The following KCNA4 variants were observed in gnomAD, a reference collection of about 807,000 sequenced individuals.
The protein encoded by KCNA4 is potassium voltage-gated channel subfamily A member 4.
KCNA4 carries 5 observed loss-of-function variants against 37.2 expected under a neutral mutation model. The observed-to-expected ratio is 0.13, with a 90% CI of 0.07 to 0.28. The LOEUF (loss-of-function observed/expected upper bound fraction) is 0.28. Ranked by LOEUF, KCNA4 falls within the 10% of genes least tolerant of loss-of-function variation. The pLI, the probability that KCNA4 is intolerant of heterozygous loss-of-function variation, is 1.00. For missense variants in KCNA4, 634 were observed against 817.4 expected (o/e 0.78, Z 2.74); for synonymous variants, 350 against 311.8 (o/e 1.12, Z -1.29).
rs899454996 is a variant in KCNA4, at chr11:30,011,299, G to A, written c.1380C>T (p.His460=). ...GGCCCAGGATCTGCAGGCCTTTGGA[G>A]TGCCTGGAGAGTTTGAAGATCCGGA... The part of the protein sequence containing the change: ...RVFRIFKLSR[H]SKGLQILGHT... Residue 460 remains histidine, a synonymous_variant, in exon 2 of 2, where the codon CAC becomes CAT. Transcript: ENST00000328224. The surrounding 1 kb of genome is among the most constrained non-coding windows in gnomAD (Gnocchi z 5.6). 4 of 1,614,180 alleles carry A rather than the reference G, an allele frequency of 2.5e-6. No homozygotes were observed. Among genetic ancestry groups the A allele is most frequent in the Non-Finnish European group, 2.5e-6 (3 of 1,180,042 alleles).
chr11:30,012,289 C>CTCCTCCTCATCT lies in KCNA4; in HGVS notation c.378_389dup (p.Asp127_Glu130dup). The CTCCTCCTCATCT allele has an allele frequency of 6.2e-7, 1 of 1,614,044 alleles. No individual in the cohort carries two copies. Among genetic ancestry groups the CTCCTCCTCATCT allele is most frequent in the Non-Finnish European group, 8.5e-7 (1 of 1,179,994 alleles). The stretch of plus-strand genomic sequence containing the variant: ...TTCCCTCCTCTTCCTCCTCTTCCTC[C>CTCCTCCTCATCT]TCCTCCTCATCTTCCTCCTCCTCAC... On this transcript the variant is annotated inframe_insertion, in exon 2 of 2. Coordinates refer to ENST00000328224, the MANE Select transcript of KCNA4 (RefSeq NM_002233.4).
In KCNA4 at chr11:30,012,880, C is replaced by T. The variant is rs914500487; in HGVS notation, c.-202G>A. ...ATGCTCTCTCTTCTCAGGGATTCAA[C>T]ATTGCTCTCCAGAGCTTGGCTGGTC... is the stretch of plus-strand genomic sequence containing the variant. On this transcript the variant is annotated 5_prime_UTR_variant, in exon 2 of 2. It removes an upstream start codon present in the reference 5' UTR. Transcript: ENST00000328224. 3 of 661,140 alleles carry T rather than the reference C, an allele frequency of 4.5e-6. No homozygotes were observed. The highest frequency in any genetic ancestry group is 3.7e-5 in the African/African-American group (2 of 53,730). The allele number at this position is 661,140 out of a possible 1,614,324, so 41.0% of individuals were successfully genotyped here. A position where few individuals can be genotyped will look rare whatever the true frequency, so the allele number is the denominator to read the frequency against.
In KCNA4 at chr11:30,010,582, G is replaced by T; in HGVS notation, c.*135C>A. On this transcript the variant is annotated 3_prime_UTR_variant, in exon 2 of 2. Transcript: ENST00000328224. ...GTAATACAAGTTTAGTAACAATTAT[G>T]CCATGTATAACCATTAAATAGTGTA... 2 of 1,251,874 alleles carry T rather than the reference G, an allele frequency of 1.6e-6. No homozygotes were observed. The highest frequency in any genetic ancestry group is 2.1e-6 in the Non-Finnish European group (2 of 947,898). 77.5% of individuals were successfully genotyped at this position (1,251,874 alleles called of 1,614,324 possible).
rs1175276309 is a variant in KCNA4 at position 30,011,549 on chromosome 11, A to G, written c.1130T>C (p.Val377Ala). ...CTCAAAGGAAAACCATACAATACAG[A>G]CTGTTTCCACGATGAAGAAGGGGTC... ...FNDPFFIVET[V>A]CIVWFSFEFV... Residue 377 changes from valine to alanine, a missense_variant, in exon 2 of 2, where the codon GTC becomes GCC. Around this residue, in one of 8 missense-constraint regions of KCNA4, gnomAD observed 252 missense variants for 344.2 expected, o/e 0.73. Transcript: ENST00000328224. The surrounding 1 kb of genome is among the most constrained non-coding windows in gnomAD (Gnocchi z 5.6). The G allele has an allele frequency of 6.2e-7, 1 of 1,614,106 alleles. No individual in the cohort carries two copies. The highest frequency in any genetic ancestry group is 1.3e-5 in the African/African-American group (1 of 75,002).
In KCNA4 at chr11:30,012,705, T is replaced by C; in HGVS notation, c.-27A>G. The C allele has an allele frequency of 6.6e-7, 1 of 1,515,762 alleles. No homozygotes were observed. Among genetic ancestry groups the C allele is most frequent in the South Asian group, 1.3e-5 (1 of 75,628 alleles). 93.9% of individuals were successfully genotyped at this position (1,515,762 alleles called of 1,614,324 possible). ...GTGGTGGTTTTCGGAAATGGCTGGT[T>C]CCAGTTGTAGAAGAAGAAGAAAGAA... On this transcript the variant is annotated 5_prime_UTR_variant, in exon 2 of 2. Coordinates refer to ENST00000328224, the MANE Select transcript of KCNA4 (RefSeq NM_002233.4).
chr11:30,011,869 C>T lies in KCNA4; in HGVS notation c.810G>A (p.Arg270=), dbSNP rs1257778289. Reference sequence around the variant, plus strand: ...CTTCTCTCACAAAGCCCTCGTCCTCCCGAAACTTCAACAGGGCCTCCTCCC... The same window carrying T: ...CTTCTCTCACAAAGCCCTCGTCCTCTCGAAACTTCAACAGGGCCTCCTCCC... ...QLGEEALLKF[R]EDEGFVREEE... Residue 270 remains arginine (R), a synonymous_variant, in exon 2 of 2, where the codon CGG becomes CGA. Coordinates refer to ENST00000328224, the MANE Select transcript of KCNA4 (RefSeq NM_002233.4). The surrounding 1 kb of genome is among the most constrained non-coding windows in gnomAD (Gnocchi z 5.6). 2.5e-6 allele frequency: 4 copies of T among 1,613,940 alleles called. No homozygotes were observed. Among genetic ancestry groups the T allele is most frequent in the East Asian group, 4.5e-5 (2 of 44,884 alleles).
chr11:30,014,256 A>G (rs1309376185), intron 1 of KCNA4, among the ~76,000 whole-genome samples: 1 of 152,170 alleles, frequency 6.6e-6, no homozygotes, highest in Non-Finnish European at 1.5e-5. Context: ...AGACATCCTG[A>G]GACTCACCAA....
chr11:30,016,985 T>G lies in KCNA4; in HGVS notation c.-1196A>C, dbSNP rs1236509084. ...ACATCCATCCCTCTCTCGCTCTCGCTGGCTGCGGGAGCAGCACACGCCTCC... is the reference window on the plus strand; with the variant it reads ...ACATCCATCCCTCTCTCGCTCTCGCGGGCTGCGGGAGCAGCACACGCCTCC... On this transcript the variant is annotated 5_prime_UTR_variant, in exon 1 of 2. Transcript: ENST00000328224. The G allele has an allele frequency of 2.5e-6, 1 of 396,012 alleles. No individual in the cohort carries two copies. Among genetic ancestry groups the G allele is most frequent in the Non-Finnish European group, 4.5e-6 (1 of 224,482 alleles). 24.5% of individuals were successfully genotyped at this position (396,012 alleles called of 1,614,324 possible). A position where few individuals can be genotyped will look rare whatever the true frequency, so the allele number is the denominator to read the frequency against.
chr11:30,012,391 G>A lies in KCNA4; in HGVS notation c.288C>T (p.His96=). The change falls in exon 2 of 2, where the codon CAC becomes CAT. Residue 96 remains histidine (H), a synonymous_variant. Transcript: ENST00000328224. The stretch of plus-strand genomic sequence containing the variant: ...AATGAGGGAAGCTGCTCTGCCGGTA[G>A]TGGGCTTTCTTCTTCTCAGACCGCT... ...RRQRSEKKKA[H]YRQSSFPHCS... 6.2e-7 allele frequency: 1 copy of A among 1,614,120 alleles called. No homozygotes were observed. The highest frequency in any genetic ancestry group is 1.1e-5 in the South Asian group (1 of 91,088).
chr11:30,014,057 G>C (rs1174824418), intron 1 of KCNA4, among the ~76,000 whole-genome samples: 1 of 152,152 alleles, frequency 6.6e-6, no homozygotes, highest in African/African-American at 2.4e-5. Flanking sequence ...TGTTTGTAAG[G>C]ATTAAATGAG....
Position 30,011,409 on chromosome 11 carries a change from C to T in KCNA4, c.1270G>A (p.Ala424Thr). The change falls in exon 2 of 2, where the codon GCC becomes ACC. Residue 424 changes from alanine (A) to threonine (T), a missense_variant. Around this residue, in one of 8 missense-constraint regions of KCNA4, gnomAD observed 252 missense variants for 344.2 expected, o/e 0.73. Coordinates refer to ENST00000328224, the MANE Select transcript of KCNA4 (RefSeq NM_002233.4). This position sits in a 1 kb window ranked among gnomAD's most constrained non-coding sequence, Gnocchi z 5.6. ...PYFITLGTDL[A>T]QQQGGGNGQQ... ...CCATTGCCACCCCCCTGTTGCTGGG[C>T]CAGGTCAGTGCCCAGTGTGATGAAG... 6.2e-7 allele frequency: 1 copy of T among 1,614,064 alleles called. No individual in the cohort carries two copies. The highest frequency in any genetic ancestry group is 8.5e-7 in the Non-Finnish European group (1 of 1,180,018).
At position 30,012,366 on chromosome 11, in the gene KCNA4, A is replaced by G. The variant is rs1850313005; in HGVS notation, c.313T>C (p.Cys105Arg). Residue 105 changes from cysteine (C) to arginine (R), a missense_variant, in exon 2 of 2, where the codon TGC becomes CGC. Cys to Arg is a radical substitution (Grantham distance 180, BLOSUM62 -3). Coordinates refer to ENST00000328224, the MANE Select transcript of KCNA4 (RefSeq NM_002233.4). Reference sequence around the variant, plus strand: ...GAGCCACTGGGCATCAGGTCAGAGCAATGAGGGAAGCTGCTCTGCCGGTAG... The same window carrying G: ...GAGCCACTGGGCATCAGGTCAGAGCGATGAGGGAAGCTGCTCTGCCGGTAG... ...AHYRQSSFPHCSDLMPSGSEE... is the reference protein window; with the variant it reads ...AHYRQSSFPHRSDLMPSGSEE... The G allele has an allele frequency of 6.2e-7, 1 of 1,613,946 alleles. No individual in the cohort carries two copies. The highest frequency in any genetic ancestry group is 1.3e-5 in the African/African-American group (1 of 74,894).
chr11:30,009,974 G>T lies in KCNA4; in HGVS notation c.*743C>A. On this transcript the variant is annotated 3_prime_UTR_variant, in exon 2 of 2. Coordinates refer to ENST00000328224, the MANE Select transcript of KCNA4 (RefSeq NM_002233.4). ...TCTCCAGCATATAAAGTAGTGCAAA[G>T]AAAAAAAAATCCAGTCCTGTTACCT... 6.6e-6 allele frequency: 1 copy of T among 150,628 alleles called. No homozygotes were observed. Among genetic ancestry groups the T allele is most frequent in the Non-Finnish European group, 1.5e-5 (1 of 67,540 alleles). 9.3% of individuals were successfully genotyped at this position (150,628 alleles called of 1,614,324 possible).
rs1464128792 is a variant in KCNA4 at position 30,011,545 on chromosome 11, A to G, written c.1134T>C (p.Cys378=). The G allele has an allele frequency of 6.2e-7, 1 of 1,614,084 alleles. No individual in the cohort carries two copies. The highest frequency in any genetic ancestry group is 8.5e-7 in the Non-Finnish European group (1 of 1,180,050). The change falls in exon 2 of 2, where the codon TGT becomes TGC. Residue 378 remains cysteine, a synonymous_variant. Transcript: ENST00000328224. The surrounding 1 kb of genome is among the most constrained non-coding windows in gnomAD (Gnocchi z 5.6). ...NDPFFIVETV[C]IVWFSFEFVV... ...CAAACTCAAAGGAAAACCATACAATACAGACTGTTTCCACGATGAAGAAGG... is the reference window on the plus strand; with the variant it reads ...CAAACTCAAAGGAAAACCATACAATGCAGACTGTTTCCACGATGAAGAAGG...
rs754154324 is a variant in KCNA4, at chr11:30,011,290, G to T, written c.1389C>A (p.Gly463=). The change falls in exon 2 of 2, where the codon GGC becomes GGA. Residue 463 remains glycine (G), a synonymous_variant. Coordinates refer to ENST00000328224, the MANE Select transcript of KCNA4 (RefSeq NM_002233.4). This position sits in a 1 kb window ranked among gnomAD's most constrained non-coding sequence, Gnocchi z 5.6. ...RIFKLSRHSK[G]LQILGHTLRA... is the part of the protein sequence containing the mutation. ...TGAGGGTGTGGCCCAGGATCTGCAGGCCTTTGGAGTGCCTGGAGAGTTTGA... is the reference window on the plus strand; with the variant it reads ...TGAGGGTGTGGCCCAGGATCTGCAGTCCTTTGGAGTGCCTGGAGAGTTTGA... The T allele has an allele frequency of 7.1e-5, 114 of 1,614,124 alleles. No individual in the cohort carries two copies. In the South Asian group the frequency reaches 1.2e-3, roughly 18 times the overall value.
In KCNA4 at chr11:30,010,741, T is replaced by G. The variant is rs780357318; in HGVS notation, c.1938A>C (p.Ala646=). 2 of 1,610,172 alleles carry G rather than the reference T, an allele frequency of 1.2e-6. No homozygotes were observed. Among genetic ancestry groups the G allele is most frequent in the South Asian group, 2.2e-5 (2 of 90,162 alleles). Residue 646 remains alanine (A), a synonymous_variant, in exon 2 of 2, where the codon GCA becomes GCC. Coordinates refer to ENST00000328224, the MANE Select transcript of KCNA4 (RefSeq NM_002233.4). ...TTCACACATCAGTCTCCACAGCCTT[T>G]GCATTAGAACAGTTGTTTTTATCTG... ...SETDKNNCSN[A]KAVETDV
chr11:30,010,692 G>T lies in KCNA4; in HGVS notation c.*25C>A, dbSNP rs767355108. ...AAATATATTTGGAGATGCTGAGGGGGGAGCAGTGGCAGGTGGAAAAAGATT... is the reference window on the plus strand; with the variant it reads ...AAATATATTTGGAGATGCTGAGGGGTGAGCAGTGGCAGGTGGAAAAAGATT... On this transcript the variant is annotated 3_prime_UTR_variant, in exon 2 of 2. Coordinates refer to ENST00000328224, the MANE Select transcript of KCNA4 (RefSeq NM_002233.4). 3 of 1,568,624 alleles carry T rather than the reference G, an allele frequency of 1.9e-6. No homozygotes were observed. The highest frequency in any genetic ancestry group is 2.5e-5 in the South Asian group (2 of 80,896).
At position 30,011,421 on chromosome 11, in the gene KCNA4, C is replaced by G; in HGVS notation, c.1258G>C (p.Gly420Arg). 1 of 1,614,010 alleles carries G rather than the reference C, an allele frequency of 6.2e-7. No individual in the cohort carries two copies. Among genetic ancestry groups the G allele is most frequent in the Non-Finnish European group, 8.5e-7 (1 of 1,180,012 alleles). The change falls in exon 2 of 2, where the codon GGC (glycine) becomes CGC (arginine). Residue 420 changes from glycine (G) to arginine (R), a missense_variant. Physicochemically the swap from Gly to Arg is moderately radical, Grantham distance 125. Coordinates refer to ENST00000328224, the MANE Select transcript of KCNA4 (RefSeq NM_002233.4). The surrounding 1 kb of genome is among the most constrained non-coding windows in gnomAD (Gnocchi z 5.6). Reference sequence around the variant, plus strand: ...CCCTGTTGCTGGGCCAGGTCAGTGCCCAGTGTGATGAAGTAAGGCAAAATG... The same window carrying G: ...CCCTGTTGCTGGGCCAGGTCAGTGCGCAGTGTGATGAAGTAAGGCAAAATG... Reference protein sequence around the residue: ...VSILPYFITLGTDLAQQQGGG... With the variant: ...VSILPYFITLRTDLAQQQGGG...
intron 1 of KCNA4, among the ~76,000 whole-genome samples, chr11:30,014,092 C>T (rs1850330719): frequency 6.6e-6 from 1 of 152,188 alleles, no homozygotes; most frequent in African/African-American, 2.4e-5. Flanking sequence ...TAGAATATCT[C>T]AGTGCCTTTT....
Sources: gnomAD v4.1 joint callset for allele counts (sites outside exome capture counted in the v4.1 genomes callset) on GRCh38, gnomAD v4.1.1 for gene constraint, gnomAD v4.1.1 regional missense constraint, Gnocchi (gnomAD v3.1) non-coding constraint, MANE v1.5 for transcripts, NCBI Gene and HGNC (gene_info 2026-07-23, HGNC 2026-07-21) for gene names.